KHDC1: variants seen among roughly 807,000 people sequenced by gnomAD.
KHDC1 encodes the protein KH domain containing 1, also known as KH homology domain-containing protein 1.
A neutral mutation model predicts 24.7 loss-of-function variants in KHDC1; 21 were observed. The ratio of observed to expected loss-of-function variants is 0.85; its 90% confidence interval spans 0.60 to 1.23. The LOEUF is 1.23. KHDC1 is among the 50% of genes most tolerant of loss of function. KHDC1 has a pLI of 0.00. For synonymous variants in KHDC1, 98 were observed against 111.7 expected (o/e 0.88, Z 0.77); for missense variants, 274 against 298.5 (o/e 0.92, Z 0.61).
intron 2 of KHDC1, among the ~76,000 whole-genome samples, chr6:73,265,287 C>T (rs78322189): frequency 8.1e-4 from 124 of 152,160 alleles, no homozygotes; most frequent in African/African-American, 3.0e-3. Context: ...AGAAGGAATT[C>T]GGTGTACAGA....
chr6:73,263,690 G>T, intron 2 of KHDC1, among the ~76,000 whole-genome samples: 1 of 151,954 alleles, frequency 6.6e-6, no homozygotes, highest in Non-Finnish European at 1.5e-5. Flanking sequence ...CTCCTGTCAC[G>T]CATCACACCG....
chr6:73,264,915 C>T (rs1767053885), intron 2 of KHDC1, among the ~76,000 whole-genome samples: 1 of 152,132 alleles, frequency 6.6e-6, no homozygotes, highest in Non-Finnish European at 1.5e-5. Flanking sequence ...TTCAAGTAAG[C>T]CCGGAGATGA....
chr6:73,244,970 G>GA (rs1275591321), intron 2 of KHDC1, among the ~76,000 whole-genome samples: 7 of 152,058 alleles, frequency 4.6e-5, no homozygotes, highest in African/African-American at 1.2e-4. Context: ...TATAGTCTGC[G>GA]AAAAAAGCAC....
exon 5 of KHDC1, chr6:73,241,502 C>T (rs376634472): frequency 8.0e-5 from 128 of 1,607,076 alleles, no homozygotes; most frequent in Admixed American, 1.8e-4. Context: ...CTCTCATCCC[C>T]ACTTCCCAGG....
At chr6:73,287,412 A>C (rs1276465310) in intron 2 of KHDC1, among the ~76,000 whole-genome samples, 1 of 152,214 alleles carries the variant, frequency 6.6e-6, no homozygotes. Flanking sequence ...AAGGAAAAAT[A>C]CCTGGGCAGC....
At position 73,263,040 on chromosome 6, in the gene KHDC1, G is replaced by C. The variant is rs1286294657; in HGVS notation, c.207-20510C>G. ...CAGGCCTGGGCCACTCCCTGAGTAG[G>C]GCGGCGGCGGCGGCGGCGGCGGCGG... On this transcript the variant is annotated intron_variant, in intron 2 of 4. Coordinates refer to ENST00000370384, the Ensembl canonical transcript of KHDC1. 10 of 918,452 alleles carry C rather than the reference G, an allele frequency of 1.1e-5. No individual in the cohort carries two copies. The African/African-American group carries it at 2.2e-4, about 20-fold the overall frequency. 56.9% of individuals were successfully genotyped at this position (918,452 alleles called of 1,614,324 possible).
chr6:73,244,722 C>G (rs1216260926), intron 2 of KHDC1, among the ~76,000 whole-genome samples: 2 of 151,146 alleles, frequency 1.3e-5, no homozygotes, highest in African/African-American at 4.9e-5. Flanking sequence ...CTCCGTAAGC[C>G]AAGATTTTGA....
chr6:73,287,665 A>G (rs1244246061), intron 2 of KHDC1, among the ~76,000 whole-genome samples: 3 of 152,224 alleles, frequency 2.0e-5, no homozygotes, highest in Non-Finnish European at 4.4e-5. Context: ...ACTTCAAGTA[A>G]TATACACTGG....
At chr6:73,284,878 CTT>C (rs1767490980) in intron 2 of KHDC1, 3 of 151,994 alleles carry the variant, frequency 2.0e-5, no homozygotes, top group African/African-American at 7.3e-5. Flanking sequence ...GAGTTTCGCT[CTT>C]GTCACCCAGG....
At chr6:73,274,470 TGTA>T (rs1203519461) in intron 2 of KHDC1, 1 of 152,212 alleles carries the variant, frequency 6.6e-6, no homozygotes, top group African/African-American at 2.4e-5. Flanking sequence ...CACCTTGAAT[TGTA>T]ATAATCCCCA....
At position 73,263,845 on chromosome 6, in the gene KHDC1, G is replaced by C. The variant is rs550664777; in HGVS notation, c.207-21315C>G. ...AATTTGAAGAATTTTGCCCTCCCTG[G>C]CAGTATTGGGAAGAAGATTCTTTTG... On this transcript the variant is annotated intron_variant, in intron 2 of 4. Transcript: ENST00000370384. Among the ~76,000 whole-genome samples, 142 of 152,322 alleles carry C rather than the reference G, an allele frequency of 9.3e-4. 1 individual carries two copies. Among genetic ancestry groups the C allele is most frequent in the African/African-American group, 3.3e-3 (136 of 41,586 alleles).
intron 1 of KHDC1, among the ~76,000 whole-genome samples, chr6:73,304,428 T>C (rs943947640): frequency 6.6e-6 from 1 of 152,174 alleles, no homozygotes; most frequent in Non-Finnish European, 1.5e-5. Context: ...GCTGGAAGAC[T>C]GAGAGCCATG....
exon 5 of KHDC1, chr6:73,241,423 G>A (rs779715428): frequency 9.6e-5 from 101 of 1,049,276 alleles, no homozygotes; most frequent in African/African-American, 1.9e-4. Context: ...GACAGGTCCC[G>A]GCCACAAGTT....
chr6:73,283,267 T>G (rs1199378084), intron 2 of KHDC1, among the ~76,000 whole-genome samples: 4 of 152,212 alleles, frequency 2.6e-5, no homozygotes, highest in Admixed American at 2.6e-4. Flanking sequence ...GGGAGATTTG[T>G]CTGTTCTACC....
chr6:73,293,635 G>T (rs1440225276), intron 1 of KHDC1, among the ~76,000 whole-genome samples: 1 of 151,930 alleles, frequency 6.6e-6, no homozygotes, highest in Non-Finnish European at 1.5e-5. Flanking sequence ...AGCAAAGCAT[G>T]GTGGCACATG....
chr6:73,258,733 T>C (rs953412098), intron 2 of KHDC1, among the ~76,000 whole-genome samples: 1 of 152,208 alleles, frequency 6.6e-6, no homozygotes, highest in Non-Finnish European at 1.5e-5. Context: ...AGAAAAGGTA[T>C]CTATCTCTCA....
chr6:73,279,601 A>G (rs966504408), intron 2 of KHDC1, among the ~76,000 whole-genome samples: 2 of 122,880 alleles, frequency 1.6e-5, no homozygotes, highest in African/African-American at 6.3e-5. Context: ...TTTTTTTTGA[A>G]GAGATGTGGT....
intron 2 of KHDC1, among the ~76,000 whole-genome samples, chr6:73,267,065 A>G (rs1291402618): frequency 6.6e-6 from 1 of 152,212 alleles, no homozygotes; most frequent in Non-Finnish European, 1.5e-5. Flanking sequence ...ACATTTCTCC[A>G]AAGACGATAT....
At chr6:73,278,543 T>C (rs1186907268) in intron 2 of KHDC1, among the ~76,000 whole-genome samples, 1 of 152,208 alleles carries the variant, frequency 6.6e-6, no homozygotes, top group Non-Finnish European at 1.5e-5. Flanking sequence ...TTATTTTTAA[T>C]TTCAGTTTTC....
Sources: allele counts gnomAD v4.1 joint callset (sites outside exome capture counted in the v4.1 genomes callset), GRCh38; gene constraint gnomAD v4.1.1; transcripts MANE v1.5; gene names NCBI Gene and HGNC (gene_info 2026-07-23, HGNC 2026-07-21).